Variants in KDR observed in about 807,000 individuals in gnomAD.
KDR encodes kinase insert domain receptor, also known as vascular endothelial growth factor receptor 2.
Under a neutral mutation model 160.9 loss-of-function variants are expected in KDR, and 43 were observed. The observed-to-expected ratio is 0.27, with a 90% CI of 0.21 to 0.34. The LOEUF is 0.34. Ranked by LOEUF, KDR falls within the 10% of genes least tolerant of loss-of-function variation. The probability of loss-of-function intolerance (pLI) is 1.00; values close to 1 mark genes in which losing one functional copy is unlikely to be tolerated. For missense variants in KDR, 1,469 were observed against 1,666.4 expected (o/e 0.88, Z 2.06); for synonymous variants, 617 against 600.1 (o/e 1.03, Z -0.41).
At chr4:55,081,855 C>A (rs764464456) in intron 29 of KDR, 101 bp downstream of exon 29, 1 of 769,612 alleles carries the variant, frequency 1.3e-6, no homozygotes, top group Non-Finnish European at 2.3e-6. Context: ...CTCCAACCAA[C>A]AAAGACCCCA....
At chr4:55,124,397 G>A (rs946353537) in intron 1 of KDR, among the ~76,000 whole-genome samples, 1 of 152,174 alleles carries the variant, frequency 6.6e-6, no homozygotes, top group African/African-American at 2.4e-5. Context: ...CCTAATTGAA[G>A]GAGACGGAAA....
chr4:55,101,853 A>T, intron 15 of KDR, 44 bp downstream of exon 15: 1 of 1,513,670 alleles, frequency 6.6e-7, no homozygotes, highest in Non-Finnish European at 9.1e-7. Context: ...GCTGCATAGC[A>T]TTCCATGGTG....
chr4:55,081,992 G>A lies in KDR; in HGVS notation c.3812C>T (p.Thr1271Ile). ...GMVLASEELK[T>I]LEDRTKLSPS... Reference sequence around the variant, plus strand: ...AGATAATTTGGTTCTGTCTTCCAAAGTTTTCAGCTCTTCTGAGGCAAGAAC... The same window carrying A: ...AGATAATTTGGTTCTGTCTTCCAAAATTTTCAGCTCTTCTGAGGCAAGAAC... Residue 1271 changes from threonine to isoleucine, a missense_variant, in exon 29 of 30, where the codon ACT (threonine) becomes ATT (isoleucine). Around this residue, in one of 7 missense-constraint regions of KDR, gnomAD observed 229 missense variants for 197.8 expected, o/e 1.16. Transcript: ENST00000263923. 2 of 1,613,922 alleles carry A rather than the reference G, an allele frequency of 1.2e-6. No homozygotes were observed. Among genetic ancestry groups the A allele is most frequent in the Non-Finnish European group, 1.7e-6 (2 of 1,179,814 alleles).
Position 55,106,757 on chromosome 4 carries a change from T to C in KDR, c.1466A>G (p.Glu489Gly), listed in dbSNP as rs1365442922. Reference protein sequence around the residue: ...PYPCEEWRSVEDFQGGNKIEV... With the variant: ...PYPCEEWRSVGDFQGGNKIEV... ...AATTTTATTTCCTCCCTGGAAGTCC[T>C]CCACACTTCTCCATTCTTCACAAGG... Residue 489 changes from glutamate (E) to glycine (G), a missense_variant, in exon 11 of 30, where the codon GAG (glutamate) becomes GGG (glycine). By Grantham distance (98) the Glu-to-Gly change is moderately conservative. This residue lies in a region of KDR where 792 missense variants were observed against 840.9 expected (regional missense o/e 0.94). Coordinates refer to ENST00000263923, the MANE Select transcript of KDR (RefSeq NM_002253.4). The C allele has an allele frequency of 1.3e-6, 2 of 1,597,142 alleles. No individual in the cohort carries two copies. Among genetic ancestry groups the C allele is most frequent in the African/African-American group, 2.7e-5 (2 of 74,730 alleles).
rs772252781 is a variant in KDR at position 55,125,282 on chromosome 4, C to T, written c.12G>A (p.Lys4=). 3 of 1,612,572 alleles carry T rather than the reference C, an allele frequency of 1.9e-6. No individual in the cohort carries two copies. In the African/African-American group the frequency reaches 4.0e-5, roughly 22 times the overall value. The change falls in exon 1 of 30, where the codon AAG becomes AAA. Residue 4 remains lysine, a synonymous_variant. Coordinates refer to ENST00000263923, the MANE Select transcript of KDR (RefSeq NM_002253.4). ...GCCACAGGGCGACGGCCAGCAGCACCTTGCTCTGCATCCTGCACCTCGAGC... is the reference window on the plus strand; with the variant it reads ...GCCACAGGGCGACGGCCAGCAGCACTTTGCTCTGCATCCTGCACCTCGAGC... MQS[K]VLLAVALWLC... is the part of the protein sequence containing the mutation.
In KDR at chr4:55,088,802, G is replaced by A. The variant is rs560735535; in HGVS notation, c.3510+66C>T. ...GGCATGGTAGCCATGAGACAGTTCAGGCAGTAGGAAAGTCCTTGACATCTA... is the reference window on the plus strand; with the variant it reads ...GGCATGGTAGCCATGAGACAGTTCAAGCAGTAGGAAAGTCCTTGACATCTA... On this transcript the variant is annotated intron_variant, in intron 26 of 29. Coordinates refer to ENST00000263923, the MANE Select transcript of KDR (RefSeq NM_002253.4). 4.8e-6 allele frequency: 5 copies of A among 1,036,444 alleles called. No individual in the cohort carries two copies. In the East Asian group the frequency reaches 7.1e-5, roughly 15 times the overall value. 64.2% of individuals were successfully genotyped at this position (1,036,444 alleles called of 1,614,324 possible).
At chr4:55,121,375 T>C (rs1313641871) in intron 1 of KDR, among the ~76,000 whole-genome samples, 185 bp from the exon 2 acceptor site, 2 of 152,230 alleles carry the variant, frequency 1.3e-5, no homozygotes, top group Admixed American at 6.5e-5. Flanking sequence ...ACAGGAAGAA[T>C]GGGCAGATGG....
At chr4:55,093,434 A>G (rs1720069156) in intron 21 of KDR, among the ~76,000 whole-genome samples, 1 of 152,244 alleles carries the variant, frequency 6.6e-6, no homozygotes, top group South Asian at 2.1e-4. Flanking sequence ...CAAATACCAG[A>G]GTAAACAAAA....
At chr4:55,123,129 C>A (rs1021166123) in intron 1 of KDR, among the ~76,000 whole-genome samples, 1 of 152,026 alleles carries the variant, frequency 6.6e-6, no homozygotes, top group African/African-American at 2.4e-5. Flanking sequence ...AAACAAAAAA[C>A]CAAAATGTTT....
chr4:55,085,891 T>A (rs957002128), intron 27 of KDR, among the ~76,000 whole-genome samples: 2 of 152,200 alleles, frequency 1.3e-5, no homozygotes, highest in African/African-American at 4.8e-5. Context: ...ACAAACATGA[T>A]TTCTTCTCCT....
In KDR at chr4:55,102,610, C is replaced by A. The variant is rs890972183; in HGVS notation, c.1988-102G>T. ...ACAGTTTAAATTTAGTAAAAAGGAA[C>A]TTGTTGATATATTAACTTCTGGGAA... is the stretch of plus-strand genomic sequence containing the variant. On this transcript the variant is annotated intron_variant, in intron 13 of 29. Transcript: ENST00000263923. The A allele has an allele frequency of 1.1e-5, 14 of 1,269,298 alleles. No homozygotes were observed. The African/African-American group carries it at 1.6e-4, about 15-fold the overall frequency. The allele number at this position is 1,269,298 out of a possible 1,614,324, so 78.6% of individuals were successfully genotyped here. A position where few individuals can be genotyped will look rare whatever the true frequency, so the allele number is the denominator to read the frequency against.
rs1719900967 is a variant in KDR, at chr4:55,087,740, C to A, written c.3529G>T (p.Val1177Phe). 4 of 1,614,136 alleles carry A rather than the reference C, an allele frequency of 2.5e-6. No homozygotes were observed. Among genetic ancestry groups the A allele is most frequent in the South Asian group, 2.2e-5 (2 of 91,076 alleles). The change falls in exon 27 of 30, where the codon GTT becomes TTT. Residue 1177 changes from valine (V) to phenylalanine (F), a missense_variant. Physicochemically the swap from Val to Phe is conservative, Grantham distance 50. Transcript: ENST00000263923. Reference protein sequence around the residue: ...NAQQDGKDYIVLPISETLSME... With the variant: ...NAQQDGKDYIFLPISETLSME... ...CTCAAAGTCTCTGATATCGGAAGAA[C>A]AATGTAGTCTTTGCCATCCTGAAAC...
chr4:55,094,655 G>A (rs916656132), intron 21 of KDR, 147 bp downstream of exon 21: 2 of 820,198 alleles, frequency 2.4e-6, no homozygotes, highest in Admixed American at 3.4e-5. Context: ...AGACAGAATG[G>A]AGGCAGTCTA....
chr4:55,122,184 G>A (rs894576117), intron 1 of KDR, among the ~76,000 whole-genome samples: 2 of 152,094 alleles, frequency 1.3e-5, no homozygotes, highest in South Asian at 2.1e-4. Flanking sequence ...AAAGTACCAT[G>A]GCATAGATTC....
chr4:55,098,128 A>G lies in KDR; in HGVS notation c.2509+9T>C. ...CACAATATCAAATTAATAGCAATTG[A>G]AAATGCACCTAGCTTCAGCCGGTCT... On this transcript the variant is annotated intron_variant, in intron 17 of 29. Transcript: ENST00000263923. 6.2e-7 allele frequency: 1 copy of G among 1,613,844 alleles called. No individual in the cohort carries two copies. Among genetic ancestry groups the G allele is most frequent in the South Asian group, 1.1e-5 (1 of 91,056 alleles).
chr4:55,115,553 C>A, intron 3 of KDR, 142 bp from the exon 4 acceptor site: 3 of 631,002 alleles, frequency 4.8e-6, no homozygotes, highest in Non-Finnish European at 8.5e-6. Context: ...ACAGATTATT[C>A]TGCTGATAGA....
rs141690726 is a variant in KDR at position 55,083,529 on chromosome 4, A to T, written c.3663-894T>A. On this transcript the variant is annotated intron_variant, in intron 27 of 29. Transcript: ENST00000263923. Reference sequence around the variant, plus strand: ...GTCCAAAGAATAAGACTTGTTGAACAACAGATCCTCTCCTTCTTGAGAATG... The same window carrying T: ...GTCCAAAGAATAAGACTTGTTGAACTACAGATCCTCTCCTTCTTGAGAATG... Among the ~76,000 whole-genome samples, 858 of 152,214 alleles carry T rather than the reference A, an allele frequency of 5.6e-3. 11 individuals carry two copies. Among genetic ancestry groups the T allele is most frequent in the Admixed American group, 0.033 (504 of 15,288 alleles).
At chr4:55,120,963 G>C in intron 2 of KDR, 134 bp downstream of exon 2, 2 of 635,690 alleles carry the variant, frequency 3.1e-6, no homozygotes, top group Non-Finnish European at 5.5e-6. Context: ...TATTACATCA[G>C]TTCTTAGAAA....
At chr4:55,089,331 C>A (rs773178117) in intron 25 of KDR, 43 bp downstream of exon 25, 7 of 1,419,142 alleles carry the variant, frequency 4.9e-6, no homozygotes, top group Admixed American at 1.7e-5. Flanking sequence ...GGAGAATTTG[C>A]GAGCAAAGAA....
Sources: gnomAD v4.1 joint callset for allele counts (sites outside exome capture counted in the v4.1 genomes callset) on GRCh38, gnomAD v4.1.1 for gene constraint, gnomAD v4.1.1 regional missense constraint, MANE v1.5 for transcripts, NCBI Gene and HGNC (gene_info 2026-07-23, HGNC 2026-07-21) for gene names.